Variants in MON2 observed in about 807,000 individuals in gnomAD.
The protein encoded by MON2 is protein MON2 homolog.
In MON2, 84 loss-of-function variants were observed where a neutral mutation model predicts 208.6. That is an observed-to-expected ratio of 0.40 (90% CI 0.34 to 0.48). The LOEUF (loss-of-function observed/expected upper bound fraction) is 0.48, where lower values mean the gene tolerates loss of function less well. MON2 is among the 20% of genes least tolerant of loss of function. MON2 has a pLI of 0.59. For missense variants in MON2, 1,611 were observed against 2,015.4 expected (o/e 0.80, Z 3.84); for synonymous variants, 660 against 694.0 (o/e 0.95, Z 0.77).
At position 62,495,163 on chromosome 12, in the gene MON2, G is replaced by A; in HGVS notation, c.435+16G>A. On this transcript the variant is annotated intron_variant, in intron 4 of 34. Transcript: ENST00000393630. ...ACTTTCTAAGGTAGGAAAACTGTTT[G>A]CCAGAGTTCATATGTGCTTTGAGAC... 1 of 1,595,038 alleles carries A rather than the reference G, an allele frequency of 6.3e-7. No individual in the cohort carries two copies. The highest frequency in any genetic ancestry group is 1.1e-5 in the South Asian group (1 of 88,110).
intron 1 of MON2, among the ~76,000 whole-genome samples, chr12:62,471,909 C>T (rs944370139): frequency 3.3e-5 from 5 of 152,160 alleles, no homozygotes; most frequent in Non-Finnish European, 7.3e-5. Flanking sequence ...ACAAATTTGA[C>T]AGAAGGGAGC....
At chr12:62,524,125 G>C (rs959791627) in intron 8 of MON2, among the ~76,000 whole-genome samples, 6 of 152,036 alleles carry the variant, frequency 3.9e-5, no homozygotes, top group African/African-American at 1.4e-4. Context: ...AGTAGCAAAA[G>C]AAAGTATGGA....
chr12:62,505,865 C>T (rs928478197), intron 7 of MON2, among the ~76,000 whole-genome samples: 7 of 151,750 alleles, frequency 4.6e-5, no homozygotes, highest in East Asian at 1.9e-4. Context: ...CACTCCAGCC[C>T]GGGTGACAGA....
In MON2 at chr12:62,560,531, A is replaced by G. The variant is rs1044929350; in HGVS notation, c.3450A>G (p.Ile1150Met). 9 of 1,613,452 alleles carry G rather than the reference A, an allele frequency of 5.6e-6. No individual in the cohort carries two copies. The highest frequency in any genetic ancestry group is 4.5e-5 in the East Asian group (2 of 44,884). Residue 1150 changes from isoleucine to methionine, a missense_variant, in exon 26 of 35, where the codon ATA becomes ATG. Transcript: ENST00000393630. ...SRAWDVLLDH[I>M]QSAALSKNNE... is the part of the protein sequence containing the mutation. ...CTTGGGATGTTCTTCTTGACCATAT[A>G]CAGTCAGCAGCACTCAGCAAAAACA...
chr12:62,492,670 C>A (rs750058921), intron 2 of MON2, among the ~76,000 whole-genome samples: 4 of 146,830 alleles, frequency 2.7e-5, no homozygotes, highest in Non-Finnish European at 6.0e-5. Context: ...CGCGCCCGGC[C>A]GTTAGTTCTT....
chr12:62,485,204 G>A (rs1227073359), intron 2 of MON2, among the ~76,000 whole-genome samples: 1 of 152,158 alleles, frequency 6.6e-6, no homozygotes, highest in East Asian at 1.9e-4. Context: ...ACCAGTGCTT[G>A]CTTCAGTGAT....
chr12:62,537,474 A>C (rs1189402236), intron 15 of MON2, 128 bp from the exon 16 acceptor site: 1 of 752,944 alleles, frequency 1.3e-6, no homozygotes, highest in Non-Finnish European at 2.1e-6. Flanking sequence ...TTCCTTATAA[A>C]ACCTTCCAAA....
rs551667941 is a variant in MON2 at position 62,500,075 on chromosome 12, C to T, written c.566-708C>T. On this transcript the variant is annotated intron_variant, in intron 5 of 34. Coordinates refer to ENST00000393630, the MANE Select transcript of MON2 (RefSeq NM_015026.3). ...ATTGTAATAACACAGGGCAATTTCC[C>T]AGTTTCAATGTTTTATACATTCATA... Among the ~76,000 whole-genome samples the T allele has an allele frequency of 1.1e-4, 16 of 152,152 alleles. No individual in the cohort carries two copies. The East Asian group carries it at 3.1e-3, about 29-fold the overall frequency.
chr12:62,538,011 A>C, intron 16 of MON2, 85 bp from the exon 17 acceptor site: 1 of 1,222,672 alleles, frequency 8.2e-7, no homozygotes, highest in Non-Finnish European at 1.1e-6. Context: ...TGGTTGCTAG[A>C]AGTTACTACT....
chr12:62,595,137 A>G lies in MON2; in HGVS notation c.*2388A>G, dbSNP rs907094911. 5 of 151,108 alleles carry G rather than the reference A, an allele frequency of 3.3e-5. No homozygotes were observed. The highest frequency in any genetic ancestry group is 9.7e-5 in the African/African-American group (4 of 41,106). The allele number at this position is 151,108 out of a possible 1,614,324, so 9.4% of individuals were successfully genotyped here. A position where few individuals can be genotyped will look rare whatever the true frequency, so the allele number is the denominator to read the frequency against. On this transcript the variant is annotated 3_prime_UTR_variant, in exon 35 of 35. Transcript: ENST00000393630. Reference sequence around the variant, plus strand: ...CTTTGTCATACTTACTAGAAATACTATGAGTTTTTTTTTTTTTTTTCATTT... The same window carrying G: ...CTTTGTCATACTTACTAGAAATACTGTGAGTTTTTTTTTTTTTTTTCATTT...
In MON2 at chr12:62,561,024, G is replaced by A. The variant is rs1003008908; in HGVS notation, c.3943G>A (p.Ala1315Thr). ...SAISVPISSD[A>T]SPFILPSYTE... ...TATTTCAGTCCCAATAAGTTCAGATGCATCCCCTTTTATTCTTCCATCTTA... is the reference window on the plus strand; with the variant it reads ...TATTTCAGTCCCAATAAGTTCAGATACATCCCCTTTTATTCTTCCATCTTA... Residue 1315 changes from alanine (A) to threonine (T), a missense_variant, in exon 26 of 35, where the codon GCA becomes ACA. Ala to Thr is a moderately conservative substitution (Grantham distance 58). Transcript: ENST00000393630. 3 of 1,613,340 alleles carry A rather than the reference G, an allele frequency of 1.9e-6. No individual in the cohort carries two copies. The highest frequency in any genetic ancestry group is 1.3e-5 in the African/African-American group (1 of 74,900).
chr12:62,527,931 T>C (rs2072421336), intron 11 of MON2, among the ~76,000 whole-genome samples: 1 of 152,074 alleles, frequency 6.6e-6, no homozygotes, highest in Admixed American at 6.6e-5. Flanking sequence ...AGTAAAAGCC[T>C]ACCAACACTG....
chr12:62,529,287 A>T (rs1451466671), intron 11 of MON2, among the ~76,000 whole-genome samples: 1 of 152,180 alleles, frequency 6.6e-6, no homozygotes, highest in Non-Finnish European at 1.5e-5. Flanking sequence ...TCTCATTAAT[A>T]ACTGTAATAT....
chr12:62,468,474 T>C (rs1252698501), intron 1 of MON2, among the ~76,000 whole-genome samples: 2 of 152,206 alleles, frequency 1.3e-5, no homozygotes, highest in Non-Finnish European at 2.9e-5. Context: ...ATTATGTAAT[T>C]AGAACTTGAC....
At position 62,524,725 on chromosome 12, in the gene MON2, C is replaced by T. The variant is rs1435969284; in HGVS notation, c.1109+86C>T. On this transcript the variant is annotated intron_variant, in intron 9 of 34. Transcript: ENST00000393630. ...ACCTATAATAGGTTAATAAACTAGT[C>T]AGAAGACTTTTGGTATTTATTCCCA... is the stretch of plus-strand genomic sequence containing the variant. The T allele has an allele frequency of 1.3e-5, 17 of 1,292,874 alleles. No individual in the cohort carries two copies. In the East Asian group the frequency reaches 3.9e-4, roughly 29 times the overall value. The allele number at this position is 1,292,874 out of a possible 1,614,324, so 80.1% of individuals were successfully genotyped here. A position where few individuals can be genotyped will look rare whatever the true frequency, so the allele number is the denominator to read the frequency against.
At position 62,498,996 on chromosome 12, in the gene MON2, A is replaced by G. The variant is rs1392470460; in HGVS notation, c.513A>G (p.Gln171=). ...ATACAGCTGCTGCTACAGTGCGACA[A>G]GTTGTTACTGTTGTTTTTGAGAGGA... ...TNNTAAATVR[Q]VVTVVFERMV... The change falls in exon 5 of 35, where the codon CAA becomes CAG. Residue 171 remains glutamine (Q), a synonymous_variant. Transcript: ENST00000393630. 1 of 1,613,406 alleles carries G rather than the reference A, an allele frequency of 6.2e-7. No homozygotes were observed.
At position 62,502,680 on chromosome 12, in the gene MON2, G is replaced by A. The variant is rs1326514189; in HGVS notation, c.789+982G>A. 2.6e-5 allele frequency among the ~76,000 whole-genome samples: 4 copies of A among 152,120 alleles called. No individual in the cohort carries two copies. The South Asian group carries it at 6.2e-4, about 24-fold the overall frequency. ...TACTTGCTTATATATCTAGCTATGT[G>A]TTTTCACATAACTTAAATGGAAAAC... On this transcript the variant is annotated intron_variant, in intron 7 of 34. Transcript: ENST00000393630.
intron 32 of MON2, among the ~76,000 whole-genome samples, chr12:62,583,044 G>C (rs1274914416): frequency 6.6e-6 from 1 of 152,148 alleles, no homozygotes; most frequent in Non-Finnish European, 1.5e-5. Context: ...AGTAGAAAAA[G>C]AAAGAAGGCT....
In MON2 at chr12:62,549,672, T is replaced by C; in HGVS notation, c.2758T>C (p.Ser920Pro). ...MGAIRNDQGE[S>P]LIRTAFQCLQ... is the part of the protein sequence containing the mutation. The stretch of plus-strand genomic sequence containing the variant: ...ATACATTTCTTTTGTTTTCAGAGAA[T>C]CCTTGATACGAACTGCATTCCAGTG... Residue 920 changes from serine (S) to proline (P), a missense_variant, in exon 23 of 35, where the codon TCC (serine) becomes CCC (proline). Ser to Pro is a moderately conservative substitution (Grantham distance 74). Coordinates refer to ENST00000393630, the MANE Select transcript of MON2 (RefSeq NM_015026.3). The C allele has an allele frequency of 6.3e-7, 1 of 1,587,580 alleles. No homozygotes were observed. The highest frequency in any genetic ancestry group is 8.5e-7 in the Non-Finnish European group (1 of 1,172,126).
Sources: gnomAD v4.1 joint callset for allele counts (sites outside exome capture counted in the v4.1 genomes callset) on GRCh38, gnomAD v4.1.1 for gene constraint, MANE v1.5 for transcripts, NCBI Gene and HGNC (gene_info 2026-07-23, HGNC 2026-07-21) for gene names.